The following VWA3A variants were observed in gnomAD, a reference collection of about 807,000 sequenced individuals.
VWA3A encodes the protein von Willebrand factor A domain containing 3A.
A neutral mutation model predicts 160.4 loss-of-function variants in VWA3A; 134 were observed. That is an observed-to-expected ratio of 0.84 (90% CI 0.73 to 0.96). The LOEUF is 0.96. VWA3A is among the 40% of genes least tolerant of loss of function. The pLI is 0.00. For synonymous variants in VWA3A, 476 were observed against 543.4 expected (o/e 0.88, Z 1.72); for missense variants, 1,310 against 1,447.9 (o/e 0.90, Z 1.55).
At chr16:22,095,340 T>C (rs2045300527) in intron 1 of VWA3A, among the ~76,000 whole-genome samples, 1 of 152,032 alleles carries the variant, frequency 6.6e-6, no homozygotes, top group Non-Finnish European at 1.5e-5. Context: ...AAAGGAACTA[T>C]AGAGAATTCC....
rs142732891 is a variant in VWA3A, at chr16:22,142,961, C to G, written c.2592+196C>G. On this transcript the variant is annotated intron_variant, in intron 25 of 33. Transcript: ENST00000389398. ...AGGTCAGGAGTTCGAGACCACCTGGCCAACATGGTGAAACCCCATCTCTAC... is the reference window on the plus strand; with the variant it reads ...AGGTCAGGAGTTCGAGACCACCTGGGCAACATGGTGAAACCCCATCTCTAC... 6.1e-3 allele frequency among the ~76,000 whole-genome samples: 921 copies of G among 152,048 alleles called. 6 individuals carry two copies. The highest frequency in any genetic ancestry group is 9.5e-3 in the Non-Finnish European group (643 of 67,968).
intron 6 of VWA3A, among the ~76,000 whole-genome samples, chr16:22,107,054 C>T (rs2045492505): frequency 6.6e-6 from 1 of 152,136 alleles, no homozygotes; most frequent in Non-Finnish European, 1.5e-5. Flanking sequence ...GACAGAGAAG[C>T]GGAGCAGGAT....
intron 6 of VWA3A, among the ~76,000 whole-genome samples, chr16:22,104,405 C>G (rs2045451766): frequency 6.6e-6 from 1 of 152,166 alleles, no homozygotes; most frequent in Non-Finnish European, 1.5e-5. Context: ...AGGAAAATCG[C>G]TTGAACTCAG....
At chr16:22,125,162 G>A (rs1284707744) in intron 16 of VWA3A, among the ~76,000 whole-genome samples, 2 of 151,026 alleles carry the variant, frequency 1.3e-5, no homozygotes, top group Non-Finnish European at 2.9e-5. Flanking sequence ...AGGATCACTT[G>A]AGGCCAGGAG....
At chr16:22,126,811 C>T (rs1209765844) in intron 17 of VWA3A, among the ~76,000 whole-genome samples, 1 of 151,882 alleles carries the variant, frequency 6.6e-6, no homozygotes, top group East Asian at 1.9e-4. Flanking sequence ...AGTTTGAGAC[C>T]AGCCTGGGCA....
At chr16:22,094,720 C>A (rs541235874) in intron 1 of VWA3A, among the ~76,000 whole-genome samples, 2 of 152,266 alleles carry the variant, frequency 1.3e-5, no homozygotes, top group East Asian at 3.9e-4. Context: ...AATCCCAGCA[C>A]TTTGGGAGGC....
At chr16:22,107,410 T>C (rs917342173) in intron 6 of VWA3A, among the ~76,000 whole-genome samples, 2 of 152,034 alleles carry the variant, frequency 1.3e-5, no homozygotes, top group African/African-American at 4.8e-5. Flanking sequence ...TAGTGCCAAA[T>C]GTCAATAGTG....
In VWA3A at chr16:22,123,707, G is replaced by C; in HGVS notation, c.1532G>C (p.Arg511Thr). Reference protein sequence around the residue: ...RRIWGTVCEKRVVVLLDISAT... With the variant: ...RRIWGTVCEKTVVVLLDISAT... Reference sequence around the variant, plus strand: ...ATCTGGGGCACAGTCTGTGAAAAAAGGTACCTTTCTTAAGCAGGGTTCTTA... The same window carrying C: ...ATCTGGGGCACAGTCTGTGAAAAAACGTACCTTTCTTAAGCAGGGTTCTTA... The change falls in exon 16 of 34, where the codon AGG (arginine) becomes ACG (threonine). Residue 511 changes from arginine (R) to threonine (T), a missense_variant and splice_region_variant. Coordinates refer to ENST00000389398, the MANE Select transcript of VWA3A (RefSeq NM_173615.5). 6.2e-7 allele frequency: 1 copy of C among 1,613,084 alleles called. No homozygotes were observed.
chr16:22,120,194 A>C (rs1425472910), intron 12 of VWA3A, among the ~76,000 whole-genome samples: 2 of 152,154 alleles, frequency 1.3e-5, no homozygotes, highest in Non-Finnish European at 2.9e-5. Context: ...CAAAGATAGA[A>C]ATAGATTGAG....
intron 17 of VWA3A, among the ~76,000 whole-genome samples, chr16:22,130,013 C>A (rs1386574097): frequency 6.6e-6 from 1 of 152,136 alleles, no homozygotes; most frequent in African/African-American, 2.4e-5. Context: ...CGTGGTGAAA[C>A]CCCGTCTCTA....
intron 25 of VWA3A, among the ~76,000 whole-genome samples, chr16:22,143,453 G>A (rs1302763076): frequency 6.6e-6 from 1 of 152,182 alleles, no homozygotes; most frequent in East Asian, 1.9e-4. Context: ...TTCTGATTGT[G>A]CCGATGGCAG....
intron 23 of VWA3A, chr16:22,141,194 A>G (rs765292437): frequency 2.1e-6 from 1 of 467,570 alleles, no homozygotes; most frequent in Non-Finnish European, 4.3e-6. Flanking sequence ...TTTATTTCTA[A>G]TGTCAAAGGT....
intron 14 of VWA3A, among the ~76,000 whole-genome samples, chr16:22,122,492 GA>G (rs2045759617): frequency 6.6e-6 from 1 of 152,058 alleles, no homozygotes; most frequent in Non-Finnish European, 1.5e-5. Context: ...TGGAAGGAAG[GA>G]ATAATAGGTG....
chr16:22,111,919 A>G (rs1352423253), intron 8 of VWA3A, among the ~76,000 whole-genome samples: 1 of 152,182 alleles, frequency 6.6e-6, no homozygotes, highest in Non-Finnish European at 1.5e-5. Flanking sequence ...GCCTGGCCCA[A>G]AACAGTTCCT....
At chr16:22,094,608 A>G (rs1201357395) in intron 1 of VWA3A, among the ~76,000 whole-genome samples, 2 of 152,050 alleles carry the variant, frequency 1.3e-5, no homozygotes, top group Non-Finnish European at 2.9e-5. Flanking sequence ...GAAACAGGGT[A>G]TCTCATGGAA....
chr16:22,134,331 CCT>C (rs1160915111), intron 20 of VWA3A, 35 bp from the exon 21 acceptor site: 1 of 1,560,472 alleles, frequency 6.4e-7, no homozygotes, highest in Non-Finnish European at 8.7e-7. Flanking sequence ...GGATCCACAC[CCT>C]GTCTCACCTT....
intron 6 of VWA3A, among the ~76,000 whole-genome samples, chr16:22,108,396 A>G (rs919580189): frequency 6.6e-6 from 1 of 152,178 alleles, no homozygotes; most frequent in Non-Finnish European, 1.5e-5. Flanking sequence ...AGCCTAGACC[A>G]TTGCTGGTTG....
chr16:22,141,341 A>G, intron 23 of VWA3A: 1 of 644,298 alleles, frequency 1.6e-6, no homozygotes, highest in Non-Finnish European at 2.9e-6. Flanking sequence ...CAGCATACTC[A>G]AAGCACTTAG....
At chr16:22,104,146 GAGATTTAGAAGACTAAGGCTGATCAT>G (rs2045448229) in intron 6 of VWA3A, among the ~76,000 whole-genome samples, 1 of 152,180 alleles carries the variant, frequency 6.6e-6, no homozygotes, top group Non-Finnish European at 1.5e-5. Flanking sequence ...GACCCGCAAT[GAGATTTAGAAGACTAAGGCTGATCAT>G]CTGGATATCA....
Sources: allele counts gnomAD v4.1 joint callset (sites outside exome capture counted in the v4.1 genomes callset), GRCh38; gene constraint gnomAD v4.1.1; transcripts MANE v1.5; gene names NCBI Gene and HGNC (gene_info 2026-07-23, HGNC 2026-07-21).